ITPRID1: variants seen among roughly 807,000 people sequenced by gnomAD.
ITPRID1 encodes the protein ITPR interacting domain containing 1, also known as protein ITPRID1.
ITPRID1 carries 96 observed loss-of-function variants against 95.4 expected under a neutral mutation model. That is an observed-to-expected ratio of 1.01 (90% CI 0.85 to 1.19). The LOEUF (loss-of-function observed/expected upper bound fraction) is 1.19. Among genes scored for constraint, ITPRID1 ranks in the 50% most tolerant of loss-of-function variants. ITPRID1 has a pLI of 0.00. For missense variants in ITPRID1, 1,339 were observed against 1,252.9 expected (o/e 1.07, Z -1.04); for synonymous variants, 510 against 453.6 (o/e 1.12, Z -1.58).
At chr7:31,630,854 A>C (rs1177928774) in intron 10 of ITPRID1, among the ~76,000 whole-genome samples, 1 of 152,142 alleles carries the variant, frequency 6.6e-6, no homozygotes, top group Middle Eastern at 3.2e-3. Context: ...AAAAGAAAAC[A>C]GGAATTACAA....
intron 10 of ITPRID1, among the ~76,000 whole-genome samples, chr7:31,602,292 A>G (rs1175520170): frequency 2.0e-5 from 3 of 152,236 alleles, no homozygotes; most frequent in Non-Finnish European, 4.4e-5. Context: ...ATGTGAGACT[A>G]ATACCCACAG....
intron 1 of ITPRID1, among the ~76,000 whole-genome samples, chr7:31,527,631 G>A (rs537688577): frequency 3.9e-5 from 6 of 151,952 alleles, no homozygotes; most frequent in East Asian, 1.9e-4. Context: ...GTTTAGAATC[G>A]CACATAGACT....
intron 5 of ITPRID1, among the ~76,000 whole-genome samples, chr7:31,557,884 A>G (rs967135696): frequency 1.3e-5 from 2 of 152,196 alleles, no homozygotes; most frequent in Non-Finnish European, 2.9e-5. Flanking sequence ...TTATGCGTGG[A>G]AACCCCTGGA....
intron 10 of ITPRID1, among the ~76,000 whole-genome samples, chr7:31,635,131 CTGTT>C (rs961152528): frequency 3.9e-5 from 6 of 152,124 alleles, no homozygotes; most frequent in South Asian, 2.1e-4. Flanking sequence ...TTGTATTTGT[CTGTT>C]TGTTTAATAA....
chr7:31,554,953 CA>C, intron 5 of ITPRID1, 52 bp downstream of exon 5: 1 of 1,242,670 alleles, frequency 8.0e-7, no homozygotes, highest in Non-Finnish European at 1.2e-6. Context: ...GAGATATATT[CA>C]AATATCTACG....
At chr7:31,624,894 A>G (rs1393874786) in intron 10 of ITPRID1, among the ~76,000 whole-genome samples, 2 of 152,240 alleles carry the variant, frequency 1.3e-5, no homozygotes, top group African/African-American at 4.8e-5. Context: ...GCTAATATCC[A>G]GAATCTACAA....
chr7:31,561,702 A>C (rs1035366204), intron 5 of ITPRID1, among the ~76,000 whole-genome samples: 1 of 152,154 alleles, frequency 6.6e-6, no homozygotes, highest in African/African-American at 2.4e-5. Flanking sequence ...TCTCATCTCC[A>C]GGGCGTTGTC....
At chr7:31,572,023 G>C (rs962968505) in intron 6 of ITPRID1, 79 bp from the exon 7 acceptor site, 2 of 890,728 alleles carry the variant, frequency 2.2e-6, no homozygotes, top group Non-Finnish European at 3.6e-6. Context: ...GTTTGCTCTG[G>C]AAGGAAAAGA....
At chr7:31,525,081 C>T (rs889334250) in intron 1 of ITPRID1, among the ~76,000 whole-genome samples, 2 of 152,152 alleles carry the variant, frequency 1.3e-5, no homozygotes, top group African/African-American at 4.8e-5. Context: ...AATGATGACT[C>T]AATCAAGTTT....
intron 1 of ITPRID1, among the ~76,000 whole-genome samples, chr7:31,534,638 C>A (rs916441128): frequency 6.6e-6 from 1 of 152,076 alleles, no homozygotes; most frequent in African/African-American, 2.4e-5. Context: ...TTCAACGTCT[C>A]TCTGTGTCTG....
intron 1 of ITPRID1, among the ~76,000 whole-genome samples, chr7:31,517,085 G>C (rs751453243): frequency 6.6e-6 from 1 of 152,178 alleles, no homozygotes; most frequent in African/African-American, 2.4e-5. Context: ...TGCAAAGAGC[G>C]AAAGAAACCA....
Position 31,653,082 on chromosome 7 carries a change from C to T in ITPRID1, c.*253C>T, listed in dbSNP as rs770810403. 10 of 845,988 alleles carry T rather than the reference C, an allele frequency of 1.2e-5. No individual in the cohort carries two copies. Among genetic ancestry groups the T allele is most frequent in the Non-Finnish European group, 1.6e-5 (10 of 610,022 alleles). 52.4% of individuals were successfully genotyped at this position (845,988 alleles called of 1,614,324 possible). On this transcript the variant is annotated 3_prime_UTR_variant, in exon 15 of 15. Coordinates refer to ENST00000615280, the MANE Select transcript of ITPRID1 (RefSeq NM_001257967.3). ...TGACTAAATAGTATACGGTCTCTGC[C>T]CTGCTAGAACTTACAGTGTAGTGGG...
intron 10 of ITPRID1, among the ~76,000 whole-genome samples, chr7:31,629,554 T>C (rs1218724503): frequency 1.3e-5 from 2 of 152,208 alleles, no homozygotes; most frequent in Non-Finnish European, 2.9e-5. Flanking sequence ...TATTTTGATA[T>C]GACAGTTTTT....
chr7:31,622,154 T>C (rs1178318435), intron 10 of ITPRID1, among the ~76,000 whole-genome samples: 2 of 135,702 alleles, frequency 1.5e-5, no homozygotes, highest in Non-Finnish European at 3.2e-5. Flanking sequence ...ACATTAATAA[T>C]GGGAGACTTT....
chr7:31,632,780 A>C (rs1789129815), intron 10 of ITPRID1, among the ~76,000 whole-genome samples: 1 of 152,226 alleles, frequency 6.6e-6, no homozygotes, highest in African/African-American at 2.4e-5. Flanking sequence ...GCATTAAGTA[A>C]GAGCCTATTC....
At chr7:31,538,962 G>C (rs536223430) in intron 1 of ITPRID1, among the ~76,000 whole-genome samples, 2 of 152,100 alleles carry the variant, frequency 1.3e-5, no homozygotes, top group African/African-American at 4.8e-5. Context: ...ATGCAGTTAA[G>C]TTGATAATTC....
At chr7:31,545,557 G>A (rs1784070355) in intron 1 of ITPRID1, among the ~76,000 whole-genome samples, 1 of 152,106 alleles carries the variant, frequency 6.6e-6, no homozygotes, top group Non-Finnish European at 1.5e-5. Context: ...TTTCCAGGAA[G>A]CAGTATATAT....
rs1329107620 is a variant in ITPRID1 at position 31,553,163 on chromosome 7, CAG to C, written c.142_143del (p.Leu49HisfsTer27). 1 of 1,584,962 alleles carries C rather than the reference CAG, an allele frequency of 6.3e-7. No homozygotes were observed. On this transcript the variant is annotated frameshift_variant, in exon 3 of 15. Transcript: ENST00000615280. LOFTEE classifies it high-confidence loss of function. ...GCCCCCTGACCCTGAGGAGGAAAGCCAGAGTCTCACCATCCCCATGCTGGGTG... is the reference window on the plus strand; with the variant it reads ...GCCCCCTGACCCTGAGGAGGAAAGCCAGTCTCACCATCCCCATGCTGGGTG... ...WLPPDPEEESQSLTIPMLEDS... is the reference protein window; with the variant it reads ...WLPPDPEEESXSLTIPMLEDS...
In ITPRID1 at chr7:31,620,871, C is replaced by T. The variant is rs535235998; in HGVS notation, c.1229-21305C>T. 5.2e-3 allele frequency among the ~76,000 whole-genome samples: 793 copies of T among 151,976 alleles called. 6 individuals are homozygous for T. The highest frequency in any genetic ancestry group is 0.018 in the African/African-American group (740 of 41,452). On this transcript the variant is annotated intron_variant, in intron 10 of 14. Coordinates refer to ENST00000615280, the MANE Select transcript of ITPRID1 (RefSeq NM_001257967.3). The stretch of plus-strand genomic sequence containing the variant: ...TTAAAAACTTTGAAAAAAATTTAGA[C>T]GAATGTATAACTAGAATAACCAATA...
Sources: gnomAD v4.1 joint callset for allele counts (sites outside exome capture counted in the v4.1 genomes callset) on GRCh38, gnomAD v4.1.1 for gene constraint, MANE v1.5 for transcripts, NCBI Gene and HGNC (gene_info 2026-07-23, HGNC 2026-07-21) for gene names.